The following AMOTL2 variants were observed in gnomAD, a reference collection of about 807,000 sequenced individuals.
The protein encoded by AMOTL2 is angiomotin like 2, also known as angiomotin-like protein 2.
A neutral mutation model predicts 78.4 loss-of-function variants in AMOTL2; 33 were observed. That is an observed-to-expected ratio of 0.42 (90% CI 0.32 to 0.56). The LOEUF is 0.56. Ranked by LOEUF, AMOTL2 falls within the 20% of genes least tolerant of loss-of-function variation. AMOTL2 has a pLI of 0.12. For synonymous variants in AMOTL2, 422 were observed against 428.8 expected (o/e 0.98, Z 0.20); for missense variants, 983 against 1,030.1 (o/e 0.95, Z 0.63).
chr3:134,358,583 G>A lies in AMOTL2; in HGVS notation c.2241C>T (p.Asp747=), dbSNP rs751873573. 8 of 1,614,188 alleles carry A rather than the reference G, an allele frequency of 5.0e-6. No individual in the cohort carries two copies. Among genetic ancestry groups the A allele is most frequent in the Non-Finnish European group, 6.8e-6 (8 of 1,180,044 alleles). The change falls in exon 9 of 10, where the codon GAC becomes GAT. Residue 747 remains aspartate (D), a synonymous_variant. Transcript: ENST00000249883. The stretch of plus-strand genomic sequence containing the variant: ...GGCTACTGCTGCACCCCAGAAGGCT[G>A]TCAGGCTCCGGTGGCAGGCAGGTGG... The part of the protein sequence containing the change: ...STSTCLPPEP[D]SLLGCSSSQR...
rs114947994 is a variant in AMOTL2 at position 134,357,473 on chromosome 3, C to T, written c.*232G>A. ...CTGAATCCTCATTCTCCATAAGGCC[C>T]GGAGGAATGTGGGCTAAGAAGCAGA... On this transcript the variant is annotated 3_prime_UTR_variant, in exon 10 of 10. Transcript: ENST00000249883. 8.0e-3 allele frequency: 4,460 copies of T among 559,740 alleles called. 34 individuals carry two copies. Among genetic ancestry groups the T allele is most frequent in the Non-Finnish European group, 0.012 (3,585 of 310,912 alleles). 34.7% of individuals were successfully genotyped at this position (559,740 alleles called of 1,614,324 possible). A position where few individuals can be genotyped will look rare whatever the true frequency, so the allele number is the denominator to read the frequency against.
intron 2 of AMOTL2, among the ~76,000 whole-genome samples, chr3:134,369,309 C>T (rs2017749201): frequency 6.6e-6 from 1 of 152,200 alleles, no homozygotes; most frequent in African/African-American, 2.4e-5. Context: ...GCCAGGCAGA[C>T]ACAACTGGCA....
intron 5 of AMOTL2, among the ~76,000 whole-genome samples, chr3:134,364,110 G>A (rs554359035): frequency 6.6e-6 from 1 of 152,266 alleles, no homozygotes; most frequent in Admixed American, 6.5e-5. Flanking sequence ...TGGGCAGCGA[G>A]CGAGCCCCCA....
At chr3:134,374,473 C>G, upstream of AMOTL2, 1 of 985,618 alleles carries the variant, frequency 1.0e-6, no homozygotes. Context: ...AGCGCGCAGC[C>G]CCAGGGTCGG....
chr3:134,358,429 T>G (rs2017169977), intron 9 of AMOTL2, 111 bp downstream of exon 9: 1 of 1,300,420 alleles, frequency 7.7e-7, no homozygotes, highest in Non-Finnish European at 1.0e-6. Flanking sequence ...CCCCATGGAG[T>G]GCGGGCAATG....
chr3:134,360,006 T>TG, intron 7 of AMOTL2, 100 bp downstream of exon 7: 1 of 1,312,188 alleles, frequency 7.6e-7, no homozygotes, highest in Middle Eastern at 2.5e-4. Flanking sequence ...CTGAGCTCTA[T>TG]GGGGAAAGGG....
chr3:134,373,584 GGCCTGGGCTCCTGCTC>G (rs1417640971), intron 1 of AMOTL2: 12 of 985,328 alleles, frequency 1.2e-5, no homozygotes, highest in Non-Finnish European at 1.4e-5. Flanking sequence ...CTCCAGCCTT[GGCCTGGGCTCCTGCTC>G]GCCTAAGGAA....
At chr3:134,371,735 A>C in intron 1 of AMOTL2, 2 of 542,092 alleles carry the variant, frequency 3.7e-6, no homozygotes, top group Non-Finnish European at 5.9e-6. Flanking sequence ...ATTCTGCTTG[A>C]CTCATGGAGA....
chr3:134,374,907 G>GTC (rs1022880582), upstream of AMOTL2: 2 of 1,212,584 alleles, frequency 1.6e-6, no homozygotes, highest in African/African-American at 3.5e-5. Flanking sequence ...CCGGCTGTGT[G>GTC]TGTGTGTGTG....
chr3:134,372,452 T>A (rs2017905358), intron 1 of AMOTL2, among the ~76,000 whole-genome samples: 1 of 151,456 alleles, frequency 6.6e-6, no homozygotes, highest in South Asian at 2.1e-4. Flanking sequence ...CAGTCTTTTG[T>A]GCTGACAGTA....
At chr3:134,369,072 T>G (rs2017736715) in intron 2 of AMOTL2, among the ~76,000 whole-genome samples, 1 of 152,186 alleles carries the variant, frequency 6.6e-6, no homozygotes, top group Admixed American at 6.5e-5. Context: ...GCCCCCCTGC[T>G]CTTCTCAGGA....
chr3:134,361,605 C>T lies in AMOTL2; in HGVS notation c.1482G>A (p.Gly494=). Residue 494 remains glycine, a synonymous_variant, in exon 6 of 10, where the codon GGG becomes GGA. Transcript: ENST00000249883. ...EKVERLQQAL[G]QLQAACEKRE... is the part of the protein sequence containing the mutation. ...GCTTCTCACAGGCTGCCTGCAGCTG[C>T]CCGAGCGCCTGCTGCAGCCGCTCCA... is the stretch of plus-strand genomic sequence containing the variant. The T allele has an allele frequency of 1.2e-6, 2 of 1,613,040 alleles. No homozygotes were observed. Among genetic ancestry groups the T allele is most frequent in the Non-Finnish European group, 8.5e-7 (1 of 1,179,954 alleles).
At position 134,371,026 on chromosome 3, in the gene AMOTL2, G is replaced by A. The variant is rs771617199; in HGVS notation, c.408C>T (p.Ala136=). 3 of 1,605,150 alleles carry A rather than the reference G, an allele frequency of 1.9e-6. No individual in the cohort carries two copies. The highest frequency in any genetic ancestry group is 1.7e-6 in the Non-Finnish European group (2 of 1,175,976). ...CGTCCTGCCTCCGACTGCCTCCCGG[G>A]GCCCCACGGGGATCTCGGTCCCCCG... ...PHAGDRDPRG[A]PGGSRRQDEA... is the part of the protein sequence containing the mutation. Residue 136 remains alanine (A), a synonymous_variant, in exon 2 of 10, where the codon GCC becomes GCT. Transcript: ENST00000249883.
chr3:134,362,979 A>G (rs1238130247), intron 5 of AMOTL2, among the ~76,000 whole-genome samples: 1 of 152,244 alleles, frequency 6.6e-6, no homozygotes, highest in Non-Finnish European at 1.5e-5. Context: ...GCACCCTCCA[A>G]TGCAGTGGCT....
intron 2 of AMOTL2, among the ~76,000 whole-genome samples, chr3:134,369,919 C>T (rs2017778850): frequency 6.6e-6 from 1 of 152,216 alleles, no homozygotes; most frequent in African/African-American, 2.4e-5. Flanking sequence ...GACTTCTTGC[C>T]TCCCCGGGTC....
At chr3:134,359,963 C>A (rs1188735914) in intron 7 of AMOTL2, 143 bp downstream of exon 7, 1 of 905,642 alleles carries the variant, frequency 1.1e-6, no homozygotes, top group African/African-American at 1.7e-5. Flanking sequence ...GTGTGCCAAT[C>A]ATGCAGGTTC....
In AMOTL2 at chr3:134,361,552, G is replaced by C; in HGVS notation, c.1535C>G (p.Thr512Ser). ...GGCCTTGAGTTCCTGCTCCAGGCGA[G>C]TCCGCAGACGCAGCTCCAGCTGCTC... ...KREQLELRLR[T>S]RLEQELKALR... Residue 512 changes from threonine to serine, a missense_variant, in exon 6 of 10, where the codon ACT (threonine) becomes AGT (serine). By Grantham distance (58) the Thr-to-Ser change is moderately conservative. Coordinates refer to ENST00000249883, the MANE Select transcript of AMOTL2 (RefSeq NM_016201.4). 1 of 1,613,228 alleles carries C rather than the reference G, an allele frequency of 6.2e-7. No homozygotes were observed. Among genetic ancestry groups the C allele is most frequent in the Non-Finnish European group, 8.5e-7 (1 of 1,179,840 alleles).
At position 134,357,635 on chromosome 3, in the gene AMOTL2, G is replaced by A. The variant is rs1238222389; in HGVS notation, c.*70C>T. ...CGGAGCAGCGGTTGACGGGGCTGCT[G>A]AAATGGCTGAGAGTGGCACAGGGCA... On this transcript the variant is annotated 3_prime_UTR_variant, in exon 10 of 10. Transcript: ENST00000249883. 13 of 1,510,094 alleles carry A rather than the reference G, an allele frequency of 8.6e-6. No homozygotes were observed. In the East Asian group the frequency reaches 2.5e-4, roughly 29 times the overall value. The allele number at this position is 1,510,094 out of a possible 1,614,324, so 93.5% of individuals were successfully genotyped here. A position where few individuals can be genotyped will look rare whatever the true frequency, so the allele number is the denominator to read the frequency against.
chr3:134,369,185 G>A, intron 2 of AMOTL2, among the ~76,000 whole-genome samples: 1 of 152,168 alleles, frequency 6.6e-6, no homozygotes, highest in East Asian at 1.9e-4. Flanking sequence ...CTAAGGTGGG[G>A]CTTCCAGTAA....
Sources: gnomAD v4.1 joint callset for allele counts (sites outside exome capture counted in the v4.1 genomes callset) on GRCh38, gnomAD v4.1.1 for gene constraint, MANE v1.5 for transcripts, NCBI Gene and HGNC (gene_info 2026-07-23, HGNC 2026-07-21) for gene names.